JCAD: variants seen among roughly 807,000 people sequenced by gnomAD.
The protein encoded by JCAD is junctional cadherin 5 associated, also known as junctional cadherin 5-associated protein.
JCAD carries 40 observed loss-of-function variants against 98.0 expected under a neutral mutation model. That is an observed-to-expected ratio of 0.41 (90% CI 0.32 to 0.53). JCAD has a LOEUF of 0.53. Among genes scored for constraint, JCAD ranks in the 20% least tolerant of loss-of-function variants. JCAD has a pLI of 0.31. For missense variants in JCAD, 1,705 were observed against 1,738.1 expected (o/e 0.98, Z 0.34); for synonymous variants, 691 against 682.3 (o/e 1.01, Z -0.20).
At chr10:30,067,493 AT>A (rs1353027157) in intron 2 of JCAD, among the ~76,000 whole-genome samples, 20 of 151,854 alleles carry the variant, frequency 1.3e-4, no homozygotes, top group Non-Finnish European at 2.6e-4. Context: ...TGCCCAGCTA[AT>A]TTTTTGTATT....
rs752392272 is a variant in JCAD, at chr10:30,028,355, A to C, written c.1793T>G (p.Met598Arg). The part of the protein sequence containing the change: ...KSESHLPDRD[M>R]DNNDLKPSAD... ...ACTGGGCTTTAAGTCATTGTTGTCC[A>C]TATCTCTATCTGGCAGATGTGATTC... is the stretch of plus-strand genomic sequence containing the variant. The change falls in exon 3 of 4, where the codon ATG becomes AGG. Residue 598 changes from methionine to arginine, a missense_variant. Met to Arg is a moderately conservative substitution (Grantham distance 91, BLOSUM62 -1). Transcript: ENST00000375377. 7.4e-6 allele frequency: 12 copies of C among 1,614,230 alleles called. No individual in the cohort carries two copies. In the East Asian group the frequency reaches 2.2e-4, roughly 30 times the overall value.
chr10:30,087,154 G>A lies in JCAD; in HGVS notation n.129-17333C>T, dbSNP rs193132744. Among the ~76,000 whole-genome samples the A allele has an allele frequency of 1.4e-4, 21 of 152,250 alleles. No homozygotes were observed. The East Asian group carries it at 4.1e-3, about 29-fold the overall frequency. ...TAAGTGGCAACCGATTGTCAAGTCT[G>A]GGAGGAGGCCAGGCACGGTAGCTCA... On this transcript the variant is annotated intron_variant and non_coding_transcript_variant, in intron 1 of 2. Coordinates refer to the JCAD transcript ENST00000465712.
Position 30,026,157 on chromosome 10 carries a change from CCTT to C in JCAD, c.3988_3990del (p.Lys1330del), listed in dbSNP as rs758536938. ...TTCTCCTTTTGTGCTGCCGGATGCT[CCTT>C]CTCTTCCCTGGAGATGCTGTCCTTG... On this transcript the variant is annotated inframe_deletion, in exon 3 of 4. Transcript: ENST00000375377. 9 of 1,614,108 alleles carry C rather than the reference CCTT, an allele frequency of 5.6e-6. No individual in the cohort carries two copies. In the African/African-American group the frequency reaches 9.3e-5, roughly 17 times the overall value.
intron 1 of JCAD, among the ~76,000 whole-genome samples, chr10:30,091,212 G>A (rs1345049513): frequency 6.6e-6 from 1 of 152,136 alleles, no homozygotes; most frequent in Non-Finnish European, 1.5e-5. Context: ...GATTCTGGAC[G>A]AGATTCTAAT....
chr10:30,054,761 T>TG (rs1491440467), intron 1 of JCAD, among the ~76,000 whole-genome samples: 1 of 150,818 alleles, frequency 6.6e-6, no homozygotes, highest in Admixed American at 6.6e-5. Context: ...CTCCGCCCCC[T>TG]GGGGTTCACG....
intron 1 of JCAD, among the ~76,000 whole-genome samples, chr10:30,051,778 G>A (rs190748734): frequency 3.3e-5 from 5 of 152,140 alleles, no homozygotes; most frequent in Non-Finnish European, 7.3e-5. Flanking sequence ...CAGGGGGCTG[G>A]CAGAGGGGAT....
chr10:30,027,500 C>T lies in JCAD; in HGVS notation c.2648G>A (p.Gly883Glu). The T allele has an allele frequency of 3.1e-6, 5 of 1,609,522 alleles. No homozygotes were observed. Among genetic ancestry groups the T allele is most frequent in the Non-Finnish European group, 4.2e-6 (5 of 1,180,026 alleles). ...CTCAACCCTCATTTCCGGGCTGTTT[C>T]CGCGGAAGCCCACATCCTCCTGTCT... Reference protein sequence around the residue: ...HCRQEDVGFRGNSPEMRVEPQ... With the variant: ...HCRQEDVGFRENSPEMRVEPQ... The change falls in exon 3 of 4, where the codon GGA (glycine) becomes GAA (glutamate). Residue 883 changes from glycine to glutamate, a missense_variant. Physicochemically the swap from Gly to Glu is moderately conservative, Grantham distance 98. Coordinates refer to ENST00000375377, the MANE Select transcript of JCAD (RefSeq NM_020848.4).
At chr10:30,049,840 A>T (rs1837432384) in intron 1 of JCAD, among the ~76,000 whole-genome samples, 1 of 152,238 alleles carries the variant, frequency 6.6e-6, no homozygotes, top group Non-Finnish European at 1.5e-5. Context: ...CTTTATCCCC[A>T]GCAACTTGCA....
intron 1 of JCAD, among the ~76,000 whole-genome samples, chr10:30,055,213 C>T (rs1489215183): frequency 3.3e-5 from 5 of 152,190 alleles, no homozygotes; most frequent in Non-Finnish European, 2.9e-5. Context: ...ATTGTTACTC[C>T]TCTAAAAGAC....
intron 1 of JCAD, among the ~76,000 whole-genome samples, chr10:30,085,901 C>T: frequency 7.6e-6 from 1 of 131,602 alleles, no homozygotes; most frequent in East Asian, 2.5e-4. Context: ...ATTTCAAACA[C>T]CAATCCAGTC....
intron 2 of JCAD, among the ~76,000 whole-genome samples, chr10:30,037,069 G>A (rs369052412): frequency 1.6e-4 from 24 of 152,302 alleles, no homozygotes; most frequent in African/African-American, 5.3e-4. Context: ...CAGGAGCAGC[G>A]TTCTCCTCTG....
At chr10:30,085,797 T>A (rs1428452202) in intron 1 of JCAD, among the ~76,000 whole-genome samples, 1 of 152,220 alleles carries the variant, frequency 6.6e-6, no homozygotes, top group Non-Finnish European at 1.5e-5. Context: ...ATAGTGCCCA[T>A]GGGTTTAAGG....
chr10:30,027,733 C>G lies in JCAD; in HGVS notation c.2415G>C (p.Glu805Asp), dbSNP rs761083882. ...GTTTACTGTTGCAAGGGCCCGTGGG[C>G]TCCCCCTTCACCACCTCCCGCTTAG... Reference protein sequence around the residue: ...PGPKREVVKGEPTGPCNSKQL... With the variant: ...PGPKREVVKGDPTGPCNSKQL... Residue 805 changes from glutamate to aspartate, a missense_variant, in exon 3 of 4, where the codon GAG becomes GAC. Transcript: ENST00000375377. The G allele has an allele frequency of 6.2e-7, 1 of 1,614,130 alleles. No individual in the cohort carries two copies. Among genetic ancestry groups the G allele is most frequent in the African/African-American group, 1.3e-5 (1 of 74,954 alleles).
chr10:30,084,750 T>C (rs983701882), intron 1 of JCAD, among the ~76,000 whole-genome samples: 3 of 152,176 alleles, frequency 2.0e-5, no homozygotes, highest in African/African-American at 7.2e-5. Context: ...GCCTCCATAA[T>C]GGCATGAGCC....
At chr10:30,058,496 G>A (rs955110359) in intron 1 of JCAD, among the ~76,000 whole-genome samples, 4 of 152,172 alleles carry the variant, frequency 2.6e-5, no homozygotes, top group African/African-American at 7.2e-5. Flanking sequence ...CTGGCCTAAA[G>A]TTCTCGTTTT....
chr10:30,041,012 C>G (rs928480900), intron 2 of JCAD, among the ~76,000 whole-genome samples: 2 of 152,162 alleles, frequency 1.3e-5, no homozygotes, highest in Non-Finnish European at 2.9e-5. Flanking sequence ...CTCGGCAGTG[C>G]TGCCGCTGGA....
rs1836448244 is a variant in JCAD, at chr10:30,012,877, T to C, written c.*5006A>G. On this transcript the variant is annotated 3_prime_UTR_variant, in exon 4 of 4. Transcript: ENST00000375377. ...CCGCCATCCTGAAATAGCAAGGATA[T>C]TTACACTGTGCAGAGAAATACAAGA... 1.3e-5 allele frequency: 2 copies of C among 152,300 alleles called. No homozygotes were observed. The highest frequency in any genetic ancestry group is 4.1e-4 in the South Asian group (2 of 4,830). The allele number at this position is 152,300 out of a possible 1,614,324, so 9.4% of individuals were successfully genotyped here.
At chr10:30,018,292 T>G (rs1836580103) in intron 3 of JCAD, among the ~76,000 whole-genome samples, 1 of 116,796 alleles carries the variant, frequency 8.6e-6, no homozygotes, top group Non-Finnish European at 1.8e-5. Flanking sequence ...TTCTTCTTCT[T>G]CTTCTTTTTT....
rs1838752486 is a variant in JCAD, at chr10:30,114,123, C to G, written n.128+1244G>C. Reference sequence around the variant, plus strand: ...AATAAGATGATCGCAAAGTGGTTGACTTAGTTCCCCGTGCACAATGGGCTC... The same window carrying G: ...AATAAGATGATCGCAAAGTGGTTGAGTTAGTTCCCCGTGCACAATGGGCTC... On this transcript the variant is annotated intron_variant and non_coding_transcript_variant, in intron 1 of 2. Transcript: ENST00000465712. Among the ~76,000 whole-genome samples, 4 of 152,128 alleles carry G rather than the reference C, an allele frequency of 2.6e-5. No individual in the cohort carries two copies. The South Asian group carries it at 8.3e-4, about 32-fold the overall frequency.
Sources: allele counts gnomAD v4.1 joint callset (sites outside exome capture counted in the v4.1 genomes callset), GRCh38; gene constraint gnomAD v4.1.1; transcripts MANE v1.5; gene names NCBI Gene and HGNC (gene_info 2026-07-23, HGNC 2026-07-21).